Variants in DCLK1 observed in about 807,000 individuals in gnomAD.
DCLK1 encodes the protein serine/threonine-protein kinase DCLK1.
In DCLK1, 16 loss-of-function variants were observed where a neutral mutation model predicts 86.2. That is an observed-to-expected ratio of 0.19 (90% CI 0.13 to 0.28). The LOEUF is 0.28. Among genes scored for constraint, DCLK1 ranks in the 10% least tolerant of loss-of-function variants. The pLI, the probability that DCLK1 is intolerant of heterozygous loss-of-function variation, is 1.00. For missense variants in DCLK1, 590 were observed against 940.2 expected, an observed-to-expected ratio of 0.63 and a Z score of 4.87; for synonymous variants, 369 against 370.5, an observed-to-expected ratio of 1.00 and a Z score of 0.05.
Position 35,849,872 on chromosome 13 carries a change from A to G in DCLK1, c.1035+4627T>C. On this transcript the variant is annotated intron_variant, in intron 6 of 16. Coordinates refer to ENST00000360631, the MANE Select transcript of DCLK1 (RefSeq NM_001330071.2). The stretch of plus-strand genomic sequence containing the variant: ...TTTTTTTTAGGTCTGTATGGAAAAA[A>G]AAAAAATTCCCAGCTTTAGTTTTTA... 4 of 972,978 alleles carry G rather than the reference A, an allele frequency of 4.1e-6. No homozygotes were observed. The South Asian group carries it at 1.9e-4, about 46-fold the overall frequency. The allele number at this position is 972,978 out of a possible 1,614,324, so 60.3% of individuals were successfully genotyped here.
intron 2 of DCLK1, among the ~76,000 whole-genome samples, chr13:36,115,587 TTC>T (rs1885756591): frequency 6.6e-6 from 1 of 152,118 alleles, no homozygotes; most frequent in African/African-American, 2.4e-5. Flanking sequence ...AGTCTGATTC[TTC>T]ACTTGAAATG....
At chr13:35,848,475 A>C in intron 6 of DCLK1, 14 of 985,320 alleles carry the variant, frequency 1.4e-5, no homozygotes, top group Non-Finnish European at 1.7e-5. Context: ...TAGAAGTCAT[A>C]TGTTCAAGAG....
intron 3 of DCLK1, among the ~76,000 whole-genome samples, chr13:36,049,528 A>G (rs866295225): frequency 1.3e-5 from 2 of 152,090 alleles, no homozygotes; most frequent in Admixed American, 6.5e-5. Context: ...TGGCTGTCCC[A>G]TGTGGTCTAA....
chr13:35,791,193 T>G (rs980972128), intron 16 of DCLK1, among the ~76,000 whole-genome samples: 11 of 148,608 alleles, frequency 7.4e-5, no homozygotes, highest in Non-Finnish European at 3.0e-5. Context: ...TGAATTGTGC[T>G]ATAGATCTGA....
chr13:36,129,527 C>G lies in DCLK1; in HGVS notation c.-20+1587G>C, dbSNP rs115339015. Among the ~76,000 whole-genome samples the G allele has an allele frequency of 1.2e-3, 188 of 152,326 alleles. 1 individual carries two copies. Among genetic ancestry groups the G allele is most frequent in the African/African-American group, 4.3e-3 (177 of 41,572 alleles). ...CTCTAAATGGAGCACACTCCACACC[C>G]TAGTGTGCTGGTAATTATTCGTGGC... On this transcript the variant is annotated intron_variant, in intron 1 of 16. Coordinates refer to ENST00000360631, the MANE Select transcript of DCLK1 (RefSeq NM_001330071.2).
chr13:35,954,444 A>G (rs1198373964), intron 3 of DCLK1, among the ~76,000 whole-genome samples: 3 of 152,198 alleles, frequency 2.0e-5, no homozygotes, highest in African/African-American at 4.8e-5. Context: ...TTTATGCCAC[A>G]TGATATTATA....
intron 4 of DCLK1, among the ~76,000 whole-genome samples, chr13:35,883,872 G>A (rs1175668843): frequency 1.3e-5 from 2 of 152,196 alleles, no homozygotes; most frequent in African/African-American, 4.8e-5. Flanking sequence ...AGTGAGTCCT[G>A]CTGACAGCCT....
chr13:35,826,481 C>A (rs1157758558), intron 10 of DCLK1, among the ~76,000 whole-genome samples: 2 of 139,698 alleles, frequency 1.4e-5, no homozygotes, highest in Admixed American at 1.6e-4. Context: ...CGAGATCGTG[C>A]CATTGCATTC....
intron 3 of DCLK1, among the ~76,000 whole-genome samples, chr13:35,954,899 T>C (rs1211104244): frequency 6.6e-6 from 1 of 152,094 alleles, no homozygotes; most frequent in Non-Finnish European, 1.5e-5. Flanking sequence ...ACACTCAAAC[T>C]AACAGGCTGA....
Position 35,895,322 on chromosome 13 carries a change from A to G in DCLK1, c.824-23982T>C, listed in dbSNP as rs74502583. On this transcript the variant is annotated intron_variant, in intron 4 of 16. Coordinates refer to ENST00000360631, the MANE Select transcript of DCLK1 (RefSeq NM_001330071.2). ...AAAAAATTAGATGAAAATTCACTGG[A>G]TGGATTTTAAAGTTTCCTTTGGTCA... Among the ~76,000 whole-genome samples the G allele has an allele frequency of 8.3e-3, 1,262 of 151,952 alleles. 50 individuals are homozygous for G. The highest frequency in any genetic ancestry group is 0.07 in the East Asian group (364 of 5,164).
At position 36,056,233 on chromosome 13, in the gene DCLK1, T is replaced by C. The variant is rs1253058829; in HGVS notation, c.723+55636A>G. ...AACCAACCCAAATGTCCAACAATGA[T>C]AGACTGGATTAAGAAAATGTGGCAC... On this transcript the variant is annotated intron_variant, in intron 3 of 16. Transcript: ENST00000360631. 4.0e-5 allele frequency among the ~76,000 whole-genome samples: 4 copies of C among 99,782 alleles called. No individual in the cohort carries two copies. In the South Asian group the frequency reaches 1.7e-3, roughly 42 times the overall value. 65.5% of individuals were successfully genotyped at this position (99,782 alleles called of 152,430 possible).
rs535509328 is a variant in DCLK1, at chr13:35,810,836, C to A, written c.1687G>T (p.Gly563Ter). The A allele has an allele frequency of 6.2e-7, 1 of 1,613,402 alleles. No homozygotes were observed. Among genetic ancestry groups the A allele is most frequent in the African/African-American group, 1.3e-5 (1 of 75,000 alleles). Residue 563 changes from glycine (G) to a stop codon, truncating the protein, a stop_gained and splice_region_variant, in exon 12 of 17, where the codon GGA (glycine) becomes TGA (stop). Transcript: ENST00000360631. LOFTEE classifies it high-confidence loss of function. ...YVAPEIIAET[G>*]YGLKVDIWAA... Reference sequence around the variant, plus strand: ...CTTAAACATAAGAGAAGCATTTACCCAGTCTCTGCAATGATTTCTGGAGCC... The same window carrying A: ...CTTAAACATAAGAGAAGCATTTACCAAGTCTCTGCAATGATTTCTGGAGCC...
chr13:35,845,310 C>A (rs567006035), intron 6 of DCLK1, among the ~76,000 whole-genome samples: 84 of 152,260 alleles, frequency 5.5e-4, no homozygotes, highest in African/African-American at 2.0e-3. Context: ...CTTTAACATC[C>A]TTTTCTATCC....
Position 36,131,218 on chromosome 13 carries a change from G to A in DCLK1, c.-124C>T. 6.5e-6 allele frequency: 1 copy of A among 154,302 alleles called. No individual in the cohort carries two copies. The highest frequency in any genetic ancestry group is 1.4e-5 in the Non-Finnish European group (1 of 69,852). The allele number at this position is 154,302 out of a possible 1,614,324, so 9.6% of individuals were successfully genotyped here. A position where few individuals can be genotyped will look rare whatever the true frequency, so the allele number is the denominator to read the frequency against. ...GCGCGGCCGGGGCTGCGGGGCTGCA[G>A]GGCTGGGGGGCGGCGGCGGGGCCGG... On this transcript the variant is annotated 5_prime_UTR_variant, in exon 1 of 17. Transcript: ENST00000360631.
rs9593741 is a variant in DCLK1, at chr13:36,067,567, A to G, written c.723+44302T>C. Among the ~76,000 whole-genome samples, 1,411 of 151,898 alleles carry G rather than the reference A, an allele frequency of 9.3e-3. 25 individuals carry two copies. Among genetic ancestry groups the G allele is most frequent in the African/African-American group, 0.032 (1,330 of 41,438 alleles). ...AAAACTTAAAGTATAATAATAATAA[A>G]ATTAAAAAATAAAAATAAAAATAAA... On this transcript the variant is annotated intron_variant, in intron 3 of 16. Coordinates refer to ENST00000360631, the MANE Select transcript of DCLK1 (RefSeq NM_001330071.2).
intron 3 of DCLK1, among the ~76,000 whole-genome samples, chr13:35,975,056 A>G (rs531569142): frequency 8.3e-4 from 126 of 152,274 alleles, no homozygotes; most frequent in Non-Finnish European, 1.6e-3. Context: ...GAGCTTGTGT[A>G]AGGTCCCCAA....
At position 35,839,282 on chromosome 13, in the gene DCLK1, G is replaced by A. The variant is rs892619936; in HGVS notation, c.1036-106C>T. ...TCAGGAGAAAACTTTGCCCATGCTA[G>A]GGAGGATTTGATCTTAACACTTGGA... On this transcript the variant is annotated intron_variant, in intron 6 of 16. Coordinates refer to ENST00000360631, the MANE Select transcript of DCLK1 (RefSeq NM_001330071.2). 47 of 934,306 alleles carry A rather than the reference G, an allele frequency of 5.0e-5. 1 individual carries two copies. In the South Asian group the frequency reaches 5.6e-4, roughly 11 times the overall value. The allele number at this position is 934,306 out of a possible 1,614,324, so 57.9% of individuals were successfully genotyped here.
intron 5 of DCLK1, chr13:35,855,600 G>C: frequency 6.4e-7 from 1 of 1,556,464 alleles, no homozygotes; most frequent in Non-Finnish European, 8.7e-7. Context: ...AAGCACCCGC[G>C]GAAATGGGAA....
intron 3 of DCLK1, among the ~76,000 whole-genome samples, chr13:35,976,376 T>A (rs562953787): frequency 6.6e-6 from 1 of 152,116 alleles, no homozygotes; most frequent in South Asian, 2.1e-4. Flanking sequence ...GGCACAGTGC[T>A]CACCGTCTCC....
Sources: gnomAD v4.1 joint callset for allele counts (sites outside exome capture counted in the v4.1 genomes callset) on GRCh38, gnomAD v4.1.1 for gene constraint, MANE v1.5 for transcripts, NCBI Gene and HGNC (gene_info 2026-07-23, HGNC 2026-07-21) for gene names.